RCN2: variants seen among roughly 807,000 people sequenced by gnomAD.
The protein encoded by RCN2 is reticulocalbin-2.
RCN2 carries 23 observed loss-of-function variants against 37.5 expected under a neutral mutation model. The ratio of observed to expected loss-of-function variants is 0.61; its 90% CI spans 0.44 to 0.87. The LOEUF (loss-of-function observed/expected upper bound fraction) is 0.87. Among genes scored for constraint, RCN2 ranks in the 40% least tolerant of loss-of-function variants. The probability of loss-of-function intolerance (pLI) is 0.00; values close to 1 mark genes in which losing one functional copy is unlikely to be tolerated. For missense variants in RCN2, 381 were observed against 390.4 expected, an observed-to-expected ratio of 0.98 and a Z score of 0.20; for synonymous variants, 140 against 144.6, an observed-to-expected ratio of 0.97 and a Z score of 0.23.
intron 4 of RCN2, among the ~76,000 whole-genome samples, chr15:76,944,608 T>C (rs2152651331): frequency 6.6e-6 from 1 of 152,264 alleles, no homozygotes; most frequent in East Asian, 1.9e-4. Flanking sequence ...CACAAATGAG[T>C]GAGAACATGG....
Position 76,931,923 on chromosome 15 carries a change from C to G in RCN2, c.82C>G (p.Leu28Val). 2 of 1,315,438 alleles carry G rather than the reference C, an allele frequency of 1.5e-6. No homozygotes were observed. Among genetic ancestry groups the G allele is most frequent in the Non-Finnish European group, 1.9e-6 (2 of 1,033,756 alleles). 81.5% of individuals were successfully genotyped at this position (1,315,438 alleles called of 1,614,324 possible). A position where few individuals can be genotyped will look rare whatever the true frequency, so the allele number is the denominator to read the frequency against. Residue 28 changes from leucine to valine, a missense_variant, in exon 1 of 7, where the codon CTG becomes GTG. Leu to Val is a conservative substitution (Grantham distance 32, BLOSUM62 1). Transcript: ENST00000394885. ...GGCCGGCGCCGGCAAGGCCGAGGAG[C>G]TGCACTACCCGCTGGGCGAGCGCCG... is the stretch of plus-strand genomic sequence containing the variant. ...AAAGAGKAEELHYPLGERRSD... is the reference protein window; with the variant it reads ...AAAGAGKAEEVHYPLGERRSD...
At chr15:76,938,368 A>T (rs190816766) in intron 3 of RCN2, among the ~76,000 whole-genome samples, 30 of 152,346 alleles carry the variant, frequency 2.0e-4, no homozygotes, top group East Asian at 1.7e-3. Context: ...GGTTATATGC[A>T]AATGCTATGC....
intron 2 of RCN2, among the ~76,000 whole-genome samples, chr15:76,935,324 C>A (rs1203947658): frequency 2.0e-5 from 3 of 151,142 alleles, no homozygotes; most frequent in South Asian, 2.1e-4. Context: ...GACTCCATCT[C>A]AAAAAAAAAT....
chr15:76,936,774 C>A (rs937911928), intron 3 of RCN2, among the ~76,000 whole-genome samples: 2 of 152,132 alleles, frequency 1.3e-5, no homozygotes, highest in African/African-American at 4.8e-5. Context: ...ACCAATTTCC[C>A]AGGAATGTGT....
chr15:76,948,573 G>T, intron 6 of RCN2, 21 bp downstream of exon 6: 1 of 1,511,606 alleles, frequency 6.6e-7, no homozygotes, highest in Non-Finnish European at 8.9e-7. Context: ...CAGAACAACT[G>T]TTTCTCTCCA....
At chr15:76,941,590 G>A (rs2075276666) in intron 3 of RCN2, 3 of 1,056,692 alleles carry the variant, frequency 2.8e-6, no homozygotes, top group Non-Finnish European at 2.7e-6. Flanking sequence ...AAAAAAAAGA[G>A]TGTTGAAGTT....
intron 2 of RCN2, among the ~76,000 whole-genome samples, chr15:76,934,180 G>T (rs1437012492): frequency 1.3e-5 from 2 of 149,860 alleles, no homozygotes; most frequent in Non-Finnish European, 3.0e-5. Flanking sequence ...TCTCGCTCTT[G>T]TCACCCATGT....
chr15:76,940,526 G>A (rs994607122), intron 3 of RCN2, among the ~76,000 whole-genome samples: 5 of 149,588 alleles, frequency 3.3e-5, no homozygotes, highest in Admixed American at 2.0e-4. Context: ...ACGAAAGTCA[G>A]CTTAATATCT....
intron 6 of RCN2, 145 bp downstream of exon 6, chr15:76,948,697 C>A: frequency 2.7e-6 from 2 of 733,000 alleles, no homozygotes; most frequent in Non-Finnish European, 4.2e-6. Context: ...TTTGAATTTA[C>A]GAACTGTTTA....
At chr15:76,948,602 G>C in intron 6 of RCN2, 50 bp downstream of exon 6, 1 of 1,461,568 alleles carries the variant, frequency 6.8e-7, no homozygotes, top group Non-Finnish European at 9.1e-7. Flanking sequence ...CCCCGAATTT[G>C]GTGCTGTTGA....
At chr15:76,947,577 A>T in intron 5 of RCN2, 60 bp downstream of exon 5, 1 of 1,073,454 alleles carries the variant, frequency 9.3e-7, no homozygotes, top group Non-Finnish European at 1.4e-6. Context: ...ATTGAAAGAC[A>T]GCCTTGCTCA....
chr15:76,941,510 G>T (rs2075276351), intron 3 of RCN2: 2 of 437,984 alleles, frequency 4.6e-6, no homozygotes, highest in African/African-American at 2.0e-5. Context: ...AAATGATTAT[G>T]GTAGCTTTTT....
Position 76,950,947 on chromosome 15 carries a change from T to A in RCN2, c.*1725T>A, listed in dbSNP as rs1331905445. 1 of 152,244 alleles carries A rather than the reference T, an allele frequency of 6.6e-6. No individual in the cohort carries two copies. The highest frequency in any genetic ancestry group is 2.4e-5 in the African/African-American group (1 of 41,464). The allele number at this position is 152,244 out of a possible 1,614,324, so 9.4% of individuals were successfully genotyped here. Reference sequence around the variant, plus strand: ...CTTCCACACCTTAATGACTGCTTGCTTGGGTATCTACATGGTTTTCATTTT... The same window carrying A: ...CTTCCACACCTTAATGACTGCTTGCATGGGTATCTACATGGTTTTCATTTT... On this transcript the variant is annotated 3_prime_UTR_variant, in exon 7 of 7. Coordinates refer to ENST00000394885, the MANE Select transcript of RCN2 (RefSeq NM_002902.3).
chr15:76,948,401 T>A lies in RCN2; in HGVS notation c.659-9T>A, dbSNP rs2075304904. Reference sequence around the variant, plus strand: ...TTGTGTATGTATATTTGTGTTTTTTTATATTAAGCTGCAAATGAAGATCCA... The same window carrying A: ...TTGTGTATGTATATTTGTGTTTTTTAATATTAAGCTGCAAATGAAGATCCA... On this transcript the variant is annotated splice_polypyrimidine_tract_variant and intron_variant, in intron 5 of 6. Transcript: ENST00000394885. 6.4e-7 allele frequency: 1 copy of A among 1,574,612 alleles called. No homozygotes were observed. The highest frequency in any genetic ancestry group is 1.1e-5 in the South Asian group (1 of 86,986).
At chr15:76,949,016 A>G in intron 6 of RCN2, 54 bp from the exon 7 acceptor site, 1 of 1,448,642 alleles carries the variant, frequency 6.9e-7, no homozygotes, top group Non-Finnish European at 9.3e-7. Flanking sequence ...TAAATTGTGA[A>G]CATCTTGCTG....
chr15:76,945,759 C>T (rs974557058), intron 4 of RCN2, among the ~76,000 whole-genome samples: 1 of 152,210 alleles, frequency 6.6e-6, no homozygotes, highest in Non-Finnish European at 1.5e-5. Flanking sequence ...CCTTGCATAA[C>T]AAGGCTGCAG....
In RCN2 at chr15:76,950,777, C is replaced by G. The variant is rs2075317403; in HGVS notation, c.*1555C>G. On this transcript the variant is annotated 3_prime_UTR_variant, in exon 7 of 7. Coordinates refer to ENST00000394885, the MANE Select transcript of RCN2 (RefSeq NM_002902.3). ...TAATCACTTTCCAGCCTAAAGTTGT[C>G]TCATATACAGCACACTGGGGGCTCA... The G allele has an allele frequency of 6.6e-6, 1 of 152,148 alleles. No homozygotes were observed. Among genetic ancestry groups the G allele is most frequent in the East Asian group, 1.9e-4 (1 of 5,186 alleles). 9.4% of individuals were successfully genotyped at this position (152,148 alleles called of 1,614,324 possible).
chr15:76,950,180 A>G lies in RCN2; in HGVS notation c.*958A>G, dbSNP rs2075313822. The G allele has an allele frequency of 6.6e-6, 1 of 152,096 alleles. No individual in the cohort carries two copies. Among genetic ancestry groups the G allele is most frequent in the Non-Finnish European group, 1.5e-5 (1 of 68,022 alleles). The allele number at this position is 152,096 out of a possible 1,614,324, so 9.4% of individuals were successfully genotyped here. The stretch of plus-strand genomic sequence containing the variant: ...AATAATCTTGAGTAACGCAGGTTGG[A>G]ATTACCAATAGAGCTGGTCAGTTAT... On this transcript the variant is annotated 3_prime_UTR_variant, in exon 7 of 7. Coordinates refer to ENST00000394885, the MANE Select transcript of RCN2 (RefSeq NM_002902.3).
rs780895844 is a variant in RCN2 at position 76,943,727 on chromosome 15, G to A, written c.448-31G>A. The A allele has an allele frequency of 3.6e-6, 4 of 1,126,468 alleles. No homozygotes were observed. The South Asian group carries it at 5.2e-5, about 15-fold the overall frequency. The allele number at this position is 1,126,468 out of a possible 1,614,324, so 69.8% of individuals were successfully genotyped here. The stretch of plus-strand genomic sequence containing the variant: ...TTTTCAAAGTATTTAAAATGATGTG[G>A]TATACTAATGAGAAATTTTAATTTT... On this transcript the variant is annotated intron_variant, in intron 3 of 6. Coordinates refer to ENST00000394885, the MANE Select transcript of RCN2 (RefSeq NM_002902.3).
Sources: allele counts gnomAD v4.1 joint callset (sites outside exome capture counted in the v4.1 genomes callset), GRCh38; gene constraint gnomAD v4.1.1; transcripts MANE v1.5; gene names NCBI Gene and HGNC (gene_info 2026-07-23, HGNC 2026-07-21).